GRIK1: variants seen among roughly 807,000 people sequenced by gnomAD.
The protein encoded by GRIK1 is glutamate receptor ionotropic, kainate 1.
In GRIK1, 69 loss-of-function variants were observed where a neutral mutation model predicts 105.7. That is an observed-to-expected ratio of 0.65 (90% CI 0.54 to 0.80). The LOEUF (loss-of-function observed/expected upper bound fraction) is 0.80, where lower values mean the gene tolerates loss of function less well. Ranked by LOEUF, GRIK1 falls within the 30% of genes least tolerant of loss-of-function variation. The pLI, the probability that GRIK1 is intolerant of heterozygous loss-of-function variation, is 0.00. For missense variants in GRIK1, 1,109 were observed against 1,167.3 expected (o/e 0.95, Z 0.73); for synonymous variants, 438 against 431.3 (o/e 1.02, Z -0.19).
chr21:29,890,181 C>T (rs1309656907), intron 1 of GRIK1, among the ~76,000 whole-genome samples: 1 of 152,102 alleles, frequency 6.6e-6, no homozygotes, highest in Non-Finnish European at 1.5e-5. Flanking sequence ...CCTCAGTGTC[C>T]TACACACCAT....
At chr21:29,698,352 A>G (rs951340715) in intron 1 of GRIK1, among the ~76,000 whole-genome samples, 11 of 152,204 alleles carry the variant, frequency 7.2e-5, no homozygotes, top group African/African-American at 2.4e-4. Flanking sequence ...CAAGGAAGAG[A>G]GGCAAAGTTG....
chr21:29,615,455 A>G (rs1445788202), intron 7 of GRIK1, among the ~76,000 whole-genome samples: 2 of 152,100 alleles, frequency 1.3e-5, no homozygotes, highest in East Asian at 3.9e-4. Context: ...GATTACAGGC[A>G]CCTGCCATCA....
intron 1 of GRIK1, among the ~76,000 whole-genome samples, chr21:29,933,363 C>G (rs2071639333): frequency 6.6e-6 from 1 of 152,130 alleles, no homozygotes; most frequent in Admixed American, 6.6e-5. Flanking sequence ...CTCAAGTGTG[C>G]TCTGGGGAGC....
At chr21:29,818,815 C>T (rs570873940) in intron 1 of GRIK1, among the ~76,000 whole-genome samples, 11 of 152,016 alleles carry the variant, frequency 7.2e-5, no homozygotes, top group Non-Finnish European at 1.5e-4. Context: ...GTGTAGGTCA[C>T]AGTTAGGATG....
At chr21:29,806,277 G>T (rs1465320983) in intron 1 of GRIK1, among the ~76,000 whole-genome samples, 1 of 151,902 alleles carries the variant, frequency 6.6e-6, no homozygotes, top group African/African-American at 2.4e-5. Context: ...TGGTGTAATT[G>T]GGTGATCCAT....
intron 7 of GRIK1, among the ~76,000 whole-genome samples, chr21:29,618,414 A>G (rs2061901511): frequency 6.6e-6 from 1 of 152,216 alleles, no homozygotes; most frequent in Admixed American, 6.5e-5. Flanking sequence ...GCTGGTGGGA[A>G]CGTAAACTAG....
At chr21:29,557,955 C>G (rs1458062471) in intron 15 of GRIK1, among the ~76,000 whole-genome samples, 1 of 152,198 alleles carries the variant, frequency 6.6e-6, no homozygotes, top group Non-Finnish European at 1.5e-5. Flanking sequence ...CCTTCTGCCT[C>G]CAGGCTGCGC....
chr21:29,685,279 G>T (rs2063467710), intron 3 of GRIK1, among the ~76,000 whole-genome samples: 1 of 152,100 alleles, frequency 6.6e-6, no homozygotes, highest in Admixed American at 6.5e-5. Flanking sequence ...GTGCTGTCTT[G>T]ACTATTTTCC....
At chr21:29,568,101 A>G (rs1365753714) in intron 14 of GRIK1, among the ~76,000 whole-genome samples, 1 of 152,218 alleles carries the variant, frequency 6.6e-6, no homozygotes. Flanking sequence ...GTCTAGAGTT[A>G]AAGATTGGTC....
chr21:29,904,485 T>G (rs2070531833), intron 1 of GRIK1, among the ~76,000 whole-genome samples: 1 of 152,118 alleles, frequency 6.6e-6, no homozygotes, highest in South Asian at 2.1e-4. Context: ...AGCCAGAGAA[T>G]GAATGAGTCT....
intron 1 of GRIK1, among the ~76,000 whole-genome samples, chr21:29,830,620 A>ATATC (rs145519562): frequency 5.3e-5 from 8 of 152,274 alleles, no homozygotes; most frequent in Non-Finnish European, 1.0e-4. Context: ...TTAACCTAGT[A>ATATC]TATCTCCTTA....
At chr21:29,674,810 T>C (rs1350995385) in intron 3 of GRIK1, among the ~76,000 whole-genome samples, 1 of 152,226 alleles carries the variant, frequency 6.6e-6, no homozygotes, top group Non-Finnish European at 1.5e-5. Context: ...CTCAGGTAGT[T>C]CCTTATAGCT....
intron 14 of GRIK1, among the ~76,000 whole-genome samples, chr21:29,563,405 T>G (rs540923388): frequency 6.6e-6 from 1 of 152,284 alleles, no homozygotes; most frequent in Non-Finnish European, 1.5e-5. Flanking sequence ...AGAAAGGTCT[T>G]GTGAGACAAA....
chr21:29,646,879 C>A lies in GRIK1; in HGVS notation c.955-3910G>T, dbSNP rs146197504. 5.8e-3 allele frequency among the ~76,000 whole-genome samples: 875 copies of A among 150,024 alleles called. 3 individuals carry two copies. Among genetic ancestry groups the A allele is most frequent in the African/African-American group, 0.02 (832 of 40,668 alleles). ...TTTTTTTTTTAGAAGGAGTCTTGCT[C>A]TTATTGCCCAGGCTAGAGTGCAGTG... On this transcript the variant is annotated intron_variant, in intron 6 of 17. Transcript: ENST00000327783.
chr21:29,553,758 C>T lies in GRIK1; in HGVS notation c.2607+1294G>A. 3 of 1,224,020 alleles carry T rather than the reference C, an allele frequency of 2.5e-6. No homozygotes were observed. In the South Asian group the frequency reaches 4.7e-5, roughly 19 times the overall value. 75.8% of individuals were successfully genotyped at this position (1,224,020 alleles called of 1,614,324 possible). Reference sequence around the variant, plus strand: ...TATAGAAAAATGAATAAATCAGAAGCAAGAATGAATGTTTAAATGAAAATT... The same window carrying T: ...TATAGAAAAATGAATAAATCAGAAGTAAGAATGAATGTTTAAATGAAAATT... On this transcript the variant is annotated intron_variant, in intron 16 of 17. Transcript: ENST00000327783.
At chr21:29,595,023 G>A (rs57533895) in intron 9 of GRIK1, among the ~76,000 whole-genome samples, 1,885 of 152,298 alleles carry the variant, frequency 0.012, 41 homozygotes, top group African/African-American at 0.043. Context: ...TTGGGTCTGA[G>A]TGGGTCGCCT....
At chr21:29,624,901 C>T (rs373053440) in intron 7 of GRIK1, among the ~76,000 whole-genome samples, 1 of 152,226 alleles carries the variant, frequency 6.6e-6, no homozygotes, top group South Asian at 2.1e-4. Context: ...CTCTGACTCT[C>T]CTGCTGTTCT....
intron 1 of GRIK1, among the ~76,000 whole-genome samples, chr21:29,766,274 G>T (rs936645974): frequency 1.1e-4 from 16 of 152,124 alleles, no homozygotes; most frequent in African/African-American, 2.4e-5. Context: ...AATCACAGAC[G>T]ATTTTATTGT....
intron 1 of GRIK1, among the ~76,000 whole-genome samples, chr21:29,844,871 T>A (rs189856055): frequency 2.0e-5 from 3 of 152,328 alleles, no homozygotes; most frequent in Admixed American, 2.0e-4. Flanking sequence ...TATCATGTAA[T>A]TCTTCCAGGA....
Sources: gnomAD v4.1 joint callset for allele counts (sites outside exome capture counted in the v4.1 genomes callset) on GRCh38, gnomAD v4.1.1 for gene constraint, MANE v1.5 for transcripts, NCBI Gene and HGNC (gene_info 2026-07-23, HGNC 2026-07-21) for gene names.